The following SMIM35 variants were observed in gnomAD, a reference collection of about 807,000 sequenced individuals.
The protein encoded by SMIM35 is small integral membrane protein 35.
intron 1 of SMIM35, among the ~76,000 whole-genome samples, chr11:118,043,168 T>C (rs545902456): frequency 2.6e-5 from 4 of 152,100 alleles, no homozygotes; most frequent in Non-Finnish European, 4.4e-5. Context: ...GAAAAAGCAA[T>C]AGAAGGTATC....
chr11:118,044,755 G>C (rs1944066497), intron 1 of SMIM35, among the ~76,000 whole-genome samples: 1 of 135,228 alleles, frequency 7.4e-6, no homozygotes, highest in East Asian at 2.3e-4. Flanking sequence ...GCCTGGGCAA[G>C]AGTGAGACTC....
intron 1 of SMIM35, among the ~76,000 whole-genome samples, chr11:118,031,475 G>T (rs2058319127): frequency 6.6e-6 from 1 of 152,160 alleles, no homozygotes; most frequent in Non-Finnish European, 1.5e-5. Flanking sequence ...CATGTCAAAT[G>T]ACATATAAGC....
chr11:118,042,055 G>GT (rs1944011954), intron 1 of SMIM35, among the ~76,000 whole-genome samples: 1 of 33,544 alleles, frequency 3.0e-5, no homozygotes, highest in Non-Finnish European at 6.1e-5. Flanking sequence ...TGTCACAAAT[G>GT]AAAAAAAAAA....
chr11:118,026,419 T>C (rs1234871520), intron 1 of SMIM35, among the ~76,000 whole-genome samples: 1 of 152,236 alleles, frequency 6.6e-6, no homozygotes, highest in East Asian at 1.9e-4. Flanking sequence ...ATATCTCTAC[T>C]ATATGAATAA....
intron 1 of SMIM35, among the ~76,000 whole-genome samples, chr11:118,030,942 A>C (rs1292408968): frequency 6.6e-6 from 1 of 152,068 alleles, no homozygotes. Context: ...GAGCCCAAGT[A>C]GAAGAAGACA....
intron 1 of SMIM35, chr11:118,028,620 T>A: frequency 4.3e-6 from 1 of 231,412 alleles, no homozygotes; most frequent in South Asian, 5.3e-5. Context: ...AACTTGGGTT[T>A]TCAGTTCGTA....
chr11:118,077,424 A>G, intron 1 of SMIM35: 1 of 1,265,806 alleles, frequency 7.9e-7, no homozygotes, highest in Non-Finnish European at 1.1e-6. Flanking sequence ...TAGGTTAAAA[A>G]AAGAGGCCAC....
At chr11:118,044,282 C>T (rs1037706706) in intron 1 of SMIM35, among the ~76,000 whole-genome samples, 1 of 132,448 alleles carries the variant, frequency 7.6e-6, no homozygotes, top group Non-Finnish European at 1.6e-5. Context: ...TTCCAGAAAC[C>T]AAATCTTAGT....
intron 1 of SMIM35, among the ~76,000 whole-genome samples, chr11:118,069,677 G>A (rs1327258257): frequency 1.3e-5 from 2 of 152,300 alleles, no homozygotes; most frequent in East Asian, 1.9e-4. Context: ...TTGGGAGGTA[G>A]GGCCTAAGGA....
chr11:118,082,147 C>T (rs1321002815), intron 1 of SMIM35, among the ~76,000 whole-genome samples: 1 of 152,218 alleles, frequency 6.6e-6, no homozygotes, highest in Non-Finnish European at 1.5e-5. Context: ...AGTATCACAT[C>T]TCTATCCAAA....
chr11:118,067,788 C>T (rs1211540923), intron 1 of SMIM35, among the ~76,000 whole-genome samples: 3 of 143,344 alleles, frequency 2.1e-5, no homozygotes, highest in African/African-American at 7.8e-5. Context: ...GCCGAGATCA[C>T]GCCATTGCAC....
intron 1 of SMIM35, among the ~76,000 whole-genome samples, chr11:118,076,475 G>T (rs1944692031): frequency 6.6e-6 from 1 of 151,892 alleles, no homozygotes; most frequent in African/African-American, 2.4e-5. Context: ...AAGAAAGAAA[G>T]AAAGAAGGAA....
intron 1 of SMIM35, among the ~76,000 whole-genome samples, chr11:118,070,435 C>T (rs994693281): frequency 6.6e-6 from 1 of 152,164 alleles, no homozygotes; most frequent in Non-Finnish European, 1.5e-5. Context: ...CCTCGGCCTC[C>T]CAAAGTGCCC....
chr11:118,009,554 T>C (rs376391195), intron 4 of SMIM35, among the ~76,000 whole-genome samples: 1 of 152,154 alleles, frequency 6.6e-6, no homozygotes, highest in Admixed American at 6.5e-5. Flanking sequence ...AAGGAAAGGC[T>C]AAGTAATGCT....
At chr11:118,071,580 C>T (rs1294910960) in intron 1 of SMIM35, among the ~76,000 whole-genome samples, 5 of 152,202 alleles carry the variant, frequency 3.3e-5, no homozygotes, top group African/African-American at 7.2e-5. Flanking sequence ...ACCCACTGCG[C>T]CCTTCTCTAC....
At chr11:118,047,715 C>A (rs918830692) in intron 1 of SMIM35, among the ~76,000 whole-genome samples, 1 of 152,216 alleles carries the variant, frequency 6.6e-6, no homozygotes, top group Non-Finnish European at 1.5e-5. Flanking sequence ...ATTTCAGCAG[C>A]CAAACTGAGA....
intron 1 of SMIM35, among the ~76,000 whole-genome samples, chr11:118,073,737 A>G (rs979541462): frequency 6.6e-6 from 1 of 152,202 alleles, no homozygotes; most frequent in Non-Finnish European, 1.5e-5. Flanking sequence ...CTGTGGCAAT[A>G]GGCCTTGGAC....
intron 1 of SMIM35, among the ~76,000 whole-genome samples, chr11:118,071,755 T>C (rs982856176): frequency 6.6e-6 from 1 of 152,162 alleles, no homozygotes; most frequent in Non-Finnish European, 1.5e-5. Flanking sequence ...TCAGAAATAA[T>C]AGCCTCTACC....
chr11:118,054,536 C>T (rs2105591), intron 1 of SMIM35, among the ~76,000 whole-genome samples: 2,837 of 152,208 alleles, frequency 0.019, 111 homozygotes, highest in East Asian at 0.11. Flanking sequence ...AACCACGGTG[C>T]CATGGATTTA....
Sources: allele counts gnomAD v4.1 joint callset (sites outside exome capture counted in the v4.1 genomes callset), GRCh38; gene constraint gnomAD v4.1.1; transcripts MANE v1.5; gene names NCBI Gene and HGNC (gene_info 2026-07-23, HGNC 2026-07-21).